Variants in ADGRL4 observed in about 807,000 individuals in gnomAD.
ADGRL4 encodes the protein EGF, latrophilin and seven transmembrane domain containing 1.
In ADGRL4, 90 loss-of-function variants were observed where a neutral mutation model predicts 74.8. The ratio of observed to expected loss-of-function variants is 1.20; its 90% CI spans 1.02 to 1.43. The LOEUF (loss-of-function observed/expected upper bound fraction) is 1.43. ADGRL4 is among the 40% of genes most tolerant of loss of function. The pLI, the probability that ADGRL4 is intolerant of heterozygous loss-of-function variation, is 0.00. For missense variants in ADGRL4, 881 were observed against 814.3 expected (o/e 1.08, Z -1.00); for synonymous variants, 311 against 279.2 (o/e 1.11, Z -1.14).
intron 10 of ADGRL4, among the ~76,000 whole-genome samples, chr1:78,919,139 A>G (rs1648944812): frequency 6.6e-6 from 1 of 152,010 alleles, no homozygotes. Context: ...ACTTCTTGCC[A>G]TCTACTTCAG....
intron 7 of ADGRL4, among the ~76,000 whole-genome samples, chr1:78,928,695 G>C (rs2130198): frequency 0.61 from 91,484 of 151,186 alleles, 28,484 homozygotes; most frequent in East Asian, 0.7. Context: ...ATGCTAAGTT[G>C]TGGAGACTTT....
intron 12 of ADGRL4, among the ~76,000 whole-genome samples, chr1:78,910,970 G>A (rs1412358218): frequency 6.6e-6 from 1 of 151,746 alleles, no homozygotes; most frequent in Non-Finnish European, 1.5e-5. Context: ...AAATACCTAA[G>A]TAGTTAACAC....
chr1:78,950,339 C>G (rs527800983), intron 2 of ADGRL4, among the ~76,000 whole-genome samples: 2 of 152,084 alleles, frequency 1.3e-5, no homozygotes, highest in South Asian at 4.2e-4. Flanking sequence ...AGGAGGGTAA[C>G]GGCTTCAGGG....
intron 2 of ADGRL4, among the ~76,000 whole-genome samples, chr1:78,974,439 T>A (rs12240096): frequency 0.09 from 13,636 of 152,190 alleles, 821 homozygotes; most frequent in East Asian, 0.35. Flanking sequence ...AAGAAAAGAA[T>A]GGAAATGTAC....
chr1:78,987,553 A>G (rs1459469074), intron 2 of ADGRL4, among the ~76,000 whole-genome samples: 1 of 151,822 alleles, frequency 6.6e-6, no homozygotes, highest in African/African-American at 2.4e-5. Context: ...CTGTACTGAG[A>G]AAAATTTTAG....
At chr1:78,941,670 A>G (rs916897833) in intron 3 of ADGRL4, among the ~76,000 whole-genome samples, 8 of 152,004 alleles carry the variant, frequency 5.3e-5, no homozygotes, top group African/African-American at 1.4e-4. Context: ...TCCTTCTTGC[A>G]CTTTGAACTT....
intron 2 of ADGRL4, among the ~76,000 whole-genome samples, chr1:78,956,814 AG>A (rs1458456590): frequency 6.6e-6 from 1 of 152,200 alleles, no homozygotes; most frequent in Non-Finnish European, 1.5e-5. Context: ...TGTGTCCTTC[AG>A]AAAACAGAAA....
chr1:78,974,249 A>G (rs1057390962), intron 2 of ADGRL4, among the ~76,000 whole-genome samples: 5 of 152,200 alleles, frequency 3.3e-5, no homozygotes, highest in African/African-American at 1.2e-4. Context: ...AGGAGAAGTC[A>G]TAACCTTCTA....
chr1:78,931,116 C>T (rs1649232896), intron 7 of ADGRL4, among the ~76,000 whole-genome samples: 3 of 151,026 alleles, frequency 2.0e-5, no homozygotes, highest in Non-Finnish European at 4.4e-5. Flanking sequence ...AAGATCAACC[C>T]CAAGACACAT....
chr1:78,982,274 A>C (rs1482659077), intron 2 of ADGRL4, among the ~76,000 whole-genome samples: 1 of 151,884 alleles, frequency 6.6e-6, no homozygotes, highest in African/African-American at 2.4e-5. Flanking sequence ...GTGGGACAAC[A>C]CTTACACTAA....
At chr1:78,966,303 G>GTTTTCCT (rs1650054993) in intron 2 of ADGRL4, among the ~76,000 whole-genome samples, 2 of 152,108 alleles carry the variant, frequency 1.3e-5, no homozygotes, top group South Asian at 4.1e-4. Context: ...GAAAGTCCCT[G>GTTTTCCT]TTTTCCTTTT....
chr1:78,913,550 C>G (rs776327109), intron 12 of ADGRL4, among the ~76,000 whole-genome samples: 6 of 151,788 alleles, frequency 4.0e-5, no homozygotes, highest in Non-Finnish European at 8.8e-5. Context: ...CATGCTCTCA[C>G]TTATAAGTGG....
intron 14 of ADGRL4, 126 bp from the exon 15 acceptor site, chr1:78,891,342 T>A: frequency 8.0e-7 from 1 of 1,248,062 alleles, no homozygotes; most frequent in Non-Finnish European, 1.1e-6. Flanking sequence ...TATGTCCATT[T>A]AAGTTATATT....
intron 2 of ADGRL4, among the ~76,000 whole-genome samples, chr1:78,995,994 T>C (rs563331142): frequency 2.6e-5 from 4 of 152,310 alleles, no homozygotes; most frequent in African/African-American, 9.6e-5. Context: ...AGGAGTCCAA[T>C]AATTAAAACG....
chr1:78,903,806 C>T (rs570717328), intron 12 of ADGRL4, among the ~76,000 whole-genome samples: 9 of 151,688 alleles, frequency 5.9e-5, no homozygotes, highest in African/African-American at 1.9e-4. Context: ...CCTGGAGGCA[C>T]GTGCCTGTAG....
chr1:79,002,976 T>C (rs1258428714), intron 2 of ADGRL4, among the ~76,000 whole-genome samples: 1 of 152,090 alleles, frequency 6.6e-6, no homozygotes, highest in Admixed American at 6.5e-5. Flanking sequence ...AACATTTCTT[T>C]GGTACCTCTG....
At chr1:78,975,866 T>C (rs932550788) in intron 2 of ADGRL4, among the ~76,000 whole-genome samples, 7 of 151,698 alleles carry the variant, frequency 4.6e-5, no homozygotes, top group African/African-American at 1.5e-4. Flanking sequence ...AGATTTACCC[T>C]CTGAACAGAA....
At position 78,936,881 on chromosome 1, in the gene ADGRL4, TTAGAG is replaced by T. The variant is rs1423411633; in HGVS notation, c.761-475_761-471del. ...TAGTCATAATGCTTGAAACTTTGAT[TTAGAG>T]TAAACGATGAATCCTGATGAGATTT... On this transcript the variant is annotated intron_variant, in intron 6 of 14. Coordinates refer to ENST00000370742, the MANE Select transcript of ADGRL4 (RefSeq NM_022159.4). 3.3e-5 allele frequency among the ~76,000 whole-genome samples: 5 copies of T among 152,226 alleles called. No homozygotes were observed. In the South Asian group the frequency reaches 6.2e-4, roughly 19 times the overall value.
chr1:78,946,339 A>G lies in ADGRL4; in HGVS notation c.260T>C (p.Val87Ala). Residue 87 changes from valine (V) to alanine (A), a missense_variant, in exon 3 of 15, where the codon GTA becomes GCA. Transcript: ENST00000370742. The part of the protein sequence containing the change: ...NTEGSYYCMC[V>A]PGFRSSSNQD... The stretch of plus-strand genomic sequence containing the variant: ...GTTACTGCTGGATCTGAAGCCAGGT[A>G]CACACATACAATAATAACTTCCTTC... The G allele has an allele frequency of 4.3e-6, 7 of 1,613,474 alleles. No individual in the cohort carries two copies. Among genetic ancestry groups the G allele is most frequent in the East Asian group, 2.2e-5 (1 of 44,784 alleles).
Sources: allele counts gnomAD v4.1 joint callset (sites outside exome capture counted in the v4.1 genomes callset), GRCh38; gene constraint gnomAD v4.1.1; transcripts MANE v1.5; gene names NCBI Gene and HGNC (gene_info 2026-07-23, HGNC 2026-07-21).